NWD1: variants seen among roughly 807,000 people sequenced by gnomAD.
NWD1 encodes NACHT and WD repeat domain containing 1, also known as NACHT domain- and WD repeat-containing protein 1.
Under a neutral mutation model 135.1 loss-of-function variants are expected in NWD1, and 129 were observed. The ratio of observed to expected loss-of-function variants is 0.96; its 90% CI spans 0.83 to 1.11. The LOEUF (loss-of-function observed/expected upper bound fraction) is 1.11, where lower values mean the gene tolerates loss of function less well. Ranked by LOEUF, NWD1 falls within the 50% of genes least tolerant of loss-of-function variation. The pLI, the probability that NWD1 is intolerant of heterozygous loss-of-function variation, is 0.00. For synonymous variants in NWD1, 773 were observed against 786.0 expected (o/e 0.98, Z 0.28); for missense variants, 1,740 against 1,851.3 (o/e 0.94, Z 1.10).
chr19:16,799,919 G>A lies in NWD1; in HGVS notation c.3493G>A (p.Asp1165Asn). The change falls in exon 17 of 19, where the codon GAC becomes AAC. Residue 1165 changes from aspartate to asparagine, a missense_variant. Coordinates refer to ENST00000524140, the MANE Select transcript of NWD1 (RefSeq NM_001007525.5). ...TCTGTCAGAACAGGGGACCCTTCTG[G>A]ACATCCTGGAAGGCGTCGGGGCCCC... ...WSLSEQGTLL[D>N]ILEGVGAPVS... 1 of 1,613,294 alleles carries A rather than the reference G, an allele frequency of 6.2e-7. No homozygotes were observed.
At chr19:16,760,596 T>TTTA (rs940934925) in intron 7 of NWD1, among the ~76,000 whole-genome samples, 1 of 151,480 alleles carries the variant, frequency 6.6e-6, no homozygotes, top group Non-Finnish European at 1.5e-5. Context: ...TTAATTTTAT[T>TTTA]TTATTATTTT....
chr19:16,797,227 C>G (rs554575728), intron 15 of NWD1, among the ~76,000 whole-genome samples: 1 of 151,952 alleles, frequency 6.6e-6, no homozygotes, highest in Non-Finnish European at 1.5e-5. Context: ...AGGCCCTCCC[C>G]CAACCAGCTG....
intron 12 of NWD1, among the ~76,000 whole-genome samples, chr19:16,784,147 G>A (rs1969958175): frequency 6.6e-6 from 1 of 151,756 alleles, no homozygotes; most frequent in African/African-American, 2.4e-5. Context: ...GGAGGTTGCT[G>A]TGAGCCGAGA....
chr19:16,788,236 AAT>A (rs1970117882), intron 12 of NWD1, among the ~76,000 whole-genome samples: 1 of 5,846 alleles, frequency 1.7e-4, no homozygotes, highest in African/African-American at 1.4e-3. Flanking sequence ...ATCTCAAAAT[AAT>A]AATAATAATA....
At chr19:16,733,750 G>A (rs551578646) in intron 3 of NWD1, among the ~76,000 whole-genome samples, 3 of 152,184 alleles carry the variant, frequency 2.0e-5, no homozygotes, top group South Asian at 2.1e-4. Flanking sequence ...GCCCATGCCC[G>A]TCCTCTGACG....
chr19:16,807,798 G>C lies in NWD1; in HGVS notation c.3949G>C (p.Ala1317Pro), dbSNP rs768416508. Residue 1317 changes from alanine to proline, a missense_variant, in exon 18 of 19, where the codon GCC becomes CCC. Transcript: ENST00000524140. ...LSKCEDRLAIAYDNIVLVLDI... is the reference protein window; with the variant it reads ...LSKCEDRLAIPYDNIVLVLDI... ...CAAGTGCGAGGACCGCCTGGCCATC[G>C]CCTATGACAACATCGTCCTGGTGCT... 1.2e-6 allele frequency: 2 copies of C among 1,613,900 alleles called. No individual in the cohort carries two copies. Among genetic ancestry groups the C allele is most frequent in the African/African-American group, 2.7e-5 (2 of 74,908 alleles).
chr19:16,747,592 C>G (rs912362246), intron 5 of NWD1, among the ~76,000 whole-genome samples: 3 of 151,844 alleles, frequency 2.0e-5, no homozygotes, highest in African/African-American at 7.3e-5. Flanking sequence ...AGGCTGGTCT[C>G]GAACTCCTGA....
intron 14 of NWD1, among the ~76,000 whole-genome samples, chr19:16,793,637 C>T (rs564286644): frequency 2.7e-5 from 4 of 150,610 alleles, no homozygotes; most frequent in South Asian, 2.1e-4. Context: ...AATGCAGTGG[C>T]GCAATCTCGG....
chr19:16,798,372 G>A (rs1008204247), intron 16 of NWD1, among the ~76,000 whole-genome samples: 2 of 152,128 alleles, frequency 1.3e-5, no homozygotes, highest in Non-Finnish European at 2.9e-5. Flanking sequence ...CACTTTGGAA[G>A]GCCAAGGCAG....
intron 12 of NWD1, 50 bp downstream of exon 12, chr19:16,779,515 G>T (rs989113745): frequency 1.3e-6 from 2 of 1,578,526 alleles, no homozygotes; most frequent in Non-Finnish European, 1.7e-6. Context: ...GTGAAAAGTT[G>T]GTTCTCAGAG....
chr19:16,794,600 C>A, intron 15 of NWD1, 47 bp downstream of exon 15: 1 of 1,324,774 alleles, frequency 7.5e-7, no homozygotes. Flanking sequence ...TAATCAGGAT[C>A]AGGTTGGAGA....
intron 4 of NWD1, among the ~76,000 whole-genome samples, chr19:16,743,748 T>G (rs1039192276): frequency 1.3e-5 from 2 of 152,220 alleles, no homozygotes; most frequent in Admixed American, 6.5e-5. Flanking sequence ...GGTGGCACCA[T>G]GTCGGTTCAC....
chr19:16,780,593 T>C (rs527508301), intron 12 of NWD1, among the ~76,000 whole-genome samples: 1 of 152,188 alleles, frequency 6.6e-6, no homozygotes, highest in Non-Finnish European at 1.5e-5. Flanking sequence ...ATAGGCTAAA[T>C]AGGCTTTCTG....
chr19:16,746,222 T>A (rs1323072296), intron 5 of NWD1, among the ~76,000 whole-genome samples: 1 of 151,660 alleles, frequency 6.6e-6, no homozygotes, highest in Non-Finnish European at 1.5e-5. Context: ...TAGTTGGGTG[T>A]GGTGGTGCAC....
intron 12 of NWD1, among the ~76,000 whole-genome samples, chr19:16,784,449 G>T (rs73521285): frequency 2.6e-5 from 4 of 151,924 alleles, no homozygotes; most frequent in African/African-American, 9.7e-5. Context: ...ACACTATTTC[G>T]TATAAGGCAC....
chr19:16,775,495 A>G (rs1039154050), intron 11 of NWD1, among the ~76,000 whole-genome samples: 2 of 152,080 alleles, frequency 1.3e-5, no homozygotes, highest in Admixed American at 1.3e-4. Context: ...TCCAACTCCT[A>G]CCATCAAGAT....
Position 16,815,514 on chromosome 19 carries a change from T to C in NWD1, c.*475T>C, listed in dbSNP as rs959739131. ...TCTTTCCTCTTTTTCATTTTCATTC[T>C]CAGACTTGCCACCCCCAGGTTAGCA... is the stretch of plus-strand genomic sequence containing the variant. On this transcript the variant is annotated 3_prime_UTR_variant, in exon 19 of 19. Coordinates refer to ENST00000524140, the MANE Select transcript of NWD1 (RefSeq NM_001007525.5). 1.8e-5 allele frequency: 10 copies of C among 555,990 alleles called. No individual in the cohort carries two copies. The African/African-American group carries it at 1.9e-4, about 11-fold the overall frequency. The allele number at this position is 555,990 out of a possible 1,614,324, so 34.4% of individuals were successfully genotyped here. A position where few individuals can be genotyped will look rare whatever the true frequency, so the allele number is the denominator to read the frequency against.
intron 2 of NWD1, among the ~76,000 whole-genome samples, chr19:16,730,915 T>C (rs796797607): frequency 1.5e-4 from 22 of 144,270 alleles, no homozygotes; most frequent in Non-Finnish European, 2.4e-4. Flanking sequence ...TTCTTTCTTT[T>C]TTTTTTTTTT....
At chr19:16,730,173 T>G (rs1258219704) in intron 2 of NWD1, among the ~76,000 whole-genome samples, 1 of 151,792 alleles carries the variant, frequency 6.6e-6, no homozygotes, top group African/African-American at 2.4e-5. Context: ...ACACAAAAAA[T>G]TAGCCAGGTG....
Sources: allele counts gnomAD v4.1 joint callset (sites outside exome capture counted in the v4.1 genomes callset), GRCh38; gene constraint gnomAD v4.1.1; transcripts MANE v1.5; gene names NCBI Gene and HGNC (gene_info 2026-07-23, HGNC 2026-07-21).